Variants in PKIB observed in about 807,000 individuals in gnomAD.
PKIB encodes cAMP-dependent protein kinase inhibitor beta.
PKIB carries 2 observed loss-of-function variants against 4.5 expected under a neutral mutation model. The observed-to-expected ratio is 0.44, with a 90% CI of 0.18 to 1.39. The LOEUF (loss-of-function observed/expected upper bound fraction) is 1.39, where lower values mean the gene tolerates loss of function less well. Among genes scored for constraint, PKIB ranks in the 40% most tolerant of loss-of-function variants. The pLI is 0.27. For missense variants in PKIB, 94 were observed against 92.6 expected (o/e 1.02, Z -0.06); for synonymous variants, 38 against 36.0 (o/e 1.06, Z -0.20).
At chr6:122,561,377 A>G (rs1582699177) in intron 2 of PKIB, among the ~76,000 whole-genome samples, 1 of 151,856 alleles carries the variant, frequency 6.6e-6, no homozygotes, top group Non-Finnish European at 1.5e-5. Flanking sequence ...GTTGATTTTC[A>G]GTTTTATTCC....
chr6:122,573,287 G>A (rs1402435856), intron 2 of PKIB, among the ~76,000 whole-genome samples: 1 of 152,040 alleles, frequency 6.6e-6, no homozygotes, highest in African/African-American at 2.4e-5. Flanking sequence ...GGGCGCAGTG[G>A]CTCATGCCTG....
chr6:122,678,467 C>T (rs1777770345), intron 3 of PKIB, among the ~76,000 whole-genome samples: 1 of 152,126 alleles, frequency 6.6e-6, no homozygotes. Context: ...GAGCCATCAT[C>T]TTAGTTTGTT....
chr6:122,650,735 A>G (rs755878163), intron 2 of PKIB, among the ~76,000 whole-genome samples: 1 of 152,166 alleles, frequency 6.6e-6, no homozygotes, highest in African/African-American at 2.4e-5. Context: ...CCCCCCTCAC[A>G]AATTTATTTC....
chr6:122,485,696 G>C (rs997206164), intron 2 of PKIB, among the ~76,000 whole-genome samples: 5 of 152,192 alleles, frequency 3.3e-5, no homozygotes, highest in African/African-American at 1.2e-4. Flanking sequence ...TTTAATAGCA[G>C]AGCCATCAAA....
chr6:122,544,349 A>G lies in PKIB; in HGVS notation c.-247-41572A>G, dbSNP rs185829233. Among the ~76,000 whole-genome samples, 3 of 145,270 alleles carry G rather than the reference A, an allele frequency of 2.1e-5. No homozygotes were observed. In the Admixed American group the frequency reaches 2.2e-4, roughly 11 times the overall value. ...AAAGAAAGTGAAAAGTCATATACTT[A>G]ACCCTAAATAAAATATTAATAGATT... is the stretch of plus-strand genomic sequence containing the variant. On this transcript the variant is annotated intron_variant, in intron 2 of 6. Coordinates refer to the PKIB transcript ENST00000392491.
intron 2 of PKIB, among the ~76,000 whole-genome samples, chr6:122,666,965 G>A (rs981795151): frequency 9.2e-5 from 14 of 151,558 alleles, no homozygotes; most frequent in Non-Finnish European, 1.8e-4. Context: ...TTTTTTTATG[G>A]CTTTTGAAAG....
chr6:122,653,912 C>T (rs1295651504), intron 2 of PKIB, among the ~76,000 whole-genome samples: 1 of 152,088 alleles, frequency 6.6e-6, no homozygotes, highest in South Asian at 2.1e-4. Context: ...TAGCGGAGAT[C>T]GCGCCATTAC....
chr6:122,583,875 C>CT (rs1237938224), intron 2 of PKIB, among the ~76,000 whole-genome samples: 1 of 152,056 alleles, frequency 6.6e-6, no homozygotes, highest in Admixed American at 6.6e-5. Flanking sequence ...GTCAGACTTC[C>CT]TTTTTTATGC....
chr6:122,643,999 T>A (rs1444258844), intron 2 of PKIB: 2 of 152,194 alleles, frequency 1.3e-5, no homozygotes, highest in African/African-American at 4.8e-5. Context: ...CAGTGCTTCA[T>A]ATCAGTGAAA....
chr6:122,570,936 GTTGA>G (rs1352095434), intron 2 of PKIB, among the ~76,000 whole-genome samples: 1 of 151,882 alleles, frequency 6.6e-6, no homozygotes, highest in Non-Finnish European at 1.5e-5. Context: ...AAGTCAGAAG[GTTGA>G]TTATTAAGCT....
At chr6:122,714,008 T>C (rs1269236603) in intron 3 of PKIB, among the ~76,000 whole-genome samples, 1 of 152,188 alleles carries the variant, frequency 6.6e-6, no homozygotes, top group Admixed American at 6.5e-5. Flanking sequence ...TTACATAGCT[T>C]ATTCAGATAC....
chr6:122,673,432 TA>T (rs1226191560), intron 2 of PKIB, among the ~76,000 whole-genome samples: 7 of 152,238 alleles, frequency 4.6e-5, no homozygotes, highest in Non-Finnish European at 8.8e-5. Flanking sequence ...TACAAATTTT[TA>T]TCTTTTTGCT....
At chr6:122,514,152 C>A (rs1776671795) in intron 2 of PKIB, among the ~76,000 whole-genome samples, 2 of 152,258 alleles carry the variant, frequency 1.3e-5, no homozygotes, top group South Asian at 4.1e-4. Context: ...GATGAATTCT[C>A]TTATTCAGGA....
In PKIB at chr6:122,633,282, G is replaced by A. The variant is rs1775774366; in HGVS notation, c.-160-1G>A. 1 of 152,126 alleles carries A rather than the reference G, an allele frequency of 6.6e-6. No individual in the cohort carries two copies. The highest frequency in any genetic ancestry group is 2.4e-5 in the African/African-American group (1 of 41,432). The allele number at this position is 152,126 out of a possible 1,614,324, so 9.4% of individuals were successfully genotyped here. The stretch of plus-strand genomic sequence containing the variant: ...TCTGTTCCTGCCTTTGTTTCCTTCA[G>A]GAGTCATGCTATACTGAAAAGACAC... On this transcript the variant is annotated splice_acceptor_variant, in intron 1 of 4. Transcript: ENST00000368452. LOFTEE classifies it low-confidence loss of function (5UTR_SPLICE).
At chr6:122,606,573 A>AAAAAAAAAAG (rs1257936534), upstream of PKIB, among the ~76,000 whole-genome samples, 3 of 151,230 alleles carry the variant, frequency 2.0e-5, no homozygotes, top group African/African-American at 7.3e-5. Flanking sequence ...CTCTGTCTCA[A>AAAAAAAAAAG]AAAAGAAAAA....
intron 2 of PKIB, among the ~76,000 whole-genome samples, chr6:122,571,170 G>T (rs1773355459): frequency 6.6e-6 from 1 of 152,062 alleles, no homozygotes; most frequent in Non-Finnish European, 1.5e-5. Flanking sequence ...TGAAGACAAG[G>T]CTTTTGAATT....
intron 1 of PKIB, among the ~76,000 whole-genome samples, chr6:122,618,534 G>GCTTT (rs1404978986): frequency 6.6e-6 from 1 of 151,868 alleles, no homozygotes; most frequent in African/African-American, 2.4e-5. Flanking sequence ...AGAAAAAAAA[G>GCTTT]GTCTATTTAT....
At chr6:122,627,554 T>G (rs1290818389) in intron 1 of PKIB, among the ~76,000 whole-genome samples, 1 of 152,228 alleles carries the variant, frequency 6.6e-6, no homozygotes, top group Non-Finnish European at 1.5e-5. Context: ...CAACTTTTCT[T>G]GCCAATTCTT....
At chr6:122,717,461 C>T (rs1402068565) in intron 3 of PKIB, 2 of 362,754 alleles carry the variant, frequency 5.5e-6, no homozygotes, top group South Asian at 1.2e-4. Context: ...GTTTTCATTT[C>T]CTTCCAAGCC....
Sources: allele counts gnomAD v4.1 joint callset (sites outside exome capture counted in the v4.1 genomes callset), GRCh38; gene constraint gnomAD v4.1.1; transcripts MANE v1.5; gene names NCBI Gene and HGNC (gene_info 2026-07-23, HGNC 2026-07-21).